PDSS2: variants seen among roughly 807,000 people sequenced by gnomAD.
PDSS2 encodes all trans-polyprenyl-diphosphate synthase PDSS2.
Under a neutral mutation model 44.5 loss-of-function variants are expected in PDSS2, and 31 were observed. The ratio of observed to expected loss-of-function variants is 0.70; its 90% CI spans 0.52 to 0.94. PDSS2 has a LOEUF of 0.94. PDSS2 is among the 40% of genes least tolerant of loss of function. PDSS2 has a pLI of 0.00. For missense variants in PDSS2, 452 were observed against 482.2 expected (o/e 0.94, Z 0.59); for synonymous variants, 157 against 180.3 (o/e 0.87, Z 1.03).
chr6:107,231,197 A>G (rs1774038319), intron 4 of PDSS2, among the ~76,000 whole-genome samples: 2 of 152,210 alleles, frequency 1.3e-5, no homozygotes, highest in African/African-American at 2.4e-5. Context: ...ATTATTATCA[A>G]TTACTTTTTA....
intron 1 of PDSS2, among the ~76,000 whole-genome samples, chr6:107,366,855 A>G (rs1778973573): frequency 6.6e-6 from 1 of 152,038 alleles, no homozygotes; most frequent in Non-Finnish European, 1.5e-5. Flanking sequence ...TGAATTATTA[A>G]TTAAAGTCCT....
At chr6:107,240,349 T>C (rs1487696043) in intron 4 of PDSS2, among the ~76,000 whole-genome samples, 8 of 151,388 alleles carry the variant, frequency 5.3e-5, no homozygotes, top group Non-Finnish European at 1.2e-4. Flanking sequence ...TTCAGTGAGC[T>C]AGGATGACAC....
chr6:107,259,823 T>C (rs369392663), intron 3 of PDSS2, among the ~76,000 whole-genome samples: 2 of 152,366 alleles, frequency 1.3e-5, no homozygotes, highest in South Asian at 2.1e-4. Context: ...ATAAGTGCTA[T>C]GTAGCTCAAC....
Position 107,196,033 on chromosome 6 carries a change from T to C in PDSS2, c.1009-2179A>G, listed in dbSNP as rs190711155. 4.6e-5 allele frequency among the ~76,000 whole-genome samples: 7 copies of C among 152,332 alleles called. No individual in the cohort carries two copies. In the East Asian group the frequency reaches 1.3e-3, roughly 29 times the overall value. On this transcript the variant is annotated intron_variant, in intron 6 of 7. Transcript: ENST00000369037. The stretch of plus-strand genomic sequence containing the variant: ...GGTCTTCAGTCTGCTTTTTGAAGTT[T>C]TTTAGTGTTCTAGGATTTTCAGAGA...
At chr6:107,208,687 C>A (rs1334090858) in intron 6 of PDSS2, among the ~76,000 whole-genome samples, 2 of 148,536 alleles carry the variant, frequency 1.3e-5, no homozygotes, top group East Asian at 4.0e-4. Flanking sequence ...TCGCTCACTG[C>A]AGCCTCTGCC....
At position 107,191,060 on chromosome 6, in the gene PDSS2, T is replaced by A. The variant is rs551523675; in HGVS notation, c.1041+2762A>T. Among the ~76,000 whole-genome samples, 9 of 152,154 alleles carry A rather than the reference T, an allele frequency of 5.9e-5. No homozygotes were observed. In the East Asian group the frequency reaches 1.7e-3, roughly 30 times the overall value. ...GCGCCCGCCACCATGCCCAGCTAAT[T>A]TTTTGTATTTTTAGTCGAGACGGGG... On this transcript the variant is annotated intron_variant, in intron 7 of 7. Transcript: ENST00000369037.
chr6:107,171,635 C>T (rs533823992), intron 7 of PDSS2, among the ~76,000 whole-genome samples: 19 of 152,006 alleles, frequency 1.2e-4, no homozygotes, highest in East Asian at 1.2e-3. Context: ...CTTAGCCTTC[C>T]GAGTAGCTAG....
intron 1 of PDSS2, among the ~76,000 whole-genome samples, chr6:107,335,088 G>T (rs1777842505): frequency 6.6e-6 from 1 of 151,514 alleles, no homozygotes; most frequent in African/African-American, 2.4e-5. Context: ...GGGTTGGGGG[G>T]GTGCTGAGGC....
At chr6:107,210,394 C>T (rs774181498) in intron 6 of PDSS2, 45 bp downstream of exon 6, 2 of 1,418,310 alleles carry the variant, frequency 1.4e-6, no homozygotes, top group Non-Finnish European at 2.0e-6. Context: ...TTCTAAAATC[C>T]ACTAATTACT....
intron 1 of PDSS2, among the ~76,000 whole-genome samples, chr6:107,437,946 A>C (rs916578718): frequency 1.3e-5 from 2 of 152,332 alleles, no homozygotes; most frequent in Non-Finnish European, 2.9e-5. Flanking sequence ...TCTAGGGCTA[A>C]GGATTTCTGT....
chr6:107,363,616 T>C (rs748179979), intron 1 of PDSS2, among the ~76,000 whole-genome samples: 7 of 152,166 alleles, frequency 4.6e-5, no homozygotes, highest in Non-Finnish European at 8.8e-5. Context: ...GCAAGAGTTA[T>C]TGCAAAGAGC....
At chr6:107,248,441 GA>G (rs1160686023) in intron 3 of PDSS2, among the ~76,000 whole-genome samples, 1,038 of 56,440 alleles carry the variant, frequency 0.018, 11 homozygotes, top group African/African-American at 0.057. Flanking sequence ...ACTAGGGGAA[GA>G]AAAAAAAAAA....
intron 4 of PDSS2, among the ~76,000 whole-genome samples, chr6:107,235,444 C>G (rs192412369): frequency 2.8e-3 from 432 of 152,260 alleles, no homozygotes; most frequent in African/African-American, 0.01. Context: ...CAGTAAAGAA[C>G]TCAGAAAGGT....
At chr6:107,399,142 T>C (rs771553628) in intron 1 of PDSS2, among the ~76,000 whole-genome samples, 2 of 152,190 alleles carry the variant, frequency 1.3e-5, no homozygotes, top group Non-Finnish European at 2.9e-5. Flanking sequence ...ATAAGGTAGA[T>C]AATATTACTA....
At chr6:107,272,118 C>A (rs1375258645) in intron 3 of PDSS2, among the ~76,000 whole-genome samples, 1 of 149,242 alleles carries the variant, frequency 6.7e-6, no homozygotes, top group African/African-American at 2.5e-5. Flanking sequence ...ATAATGAGAA[C>A]TCTCTCCACT....
intron 1 of PDSS2, among the ~76,000 whole-genome samples, chr6:107,373,255 G>T (rs944014357): frequency 6.6e-6 from 1 of 152,102 alleles, no homozygotes; most frequent in Non-Finnish European, 1.5e-5. Flanking sequence ...AAAGTGCTGA[G>T]ATTACAAGCG....
chr6:107,342,457 G>C (rs1232654493), intron 1 of PDSS2, among the ~76,000 whole-genome samples: 1 of 152,162 alleles, frequency 6.6e-6, no homozygotes, highest in Non-Finnish European at 1.5e-5. Context: ...AACATGCTGA[G>C]ATTTGTTATT....
intron 2 of PDSS2, among the ~76,000 whole-genome samples, chr6:107,283,701 C>T (rs1213484032): frequency 6.6e-6 from 1 of 151,884 alleles, no homozygotes; most frequent in East Asian, 1.9e-4. Flanking sequence ...GCCTGGGCAA[C>T]AAGAGTGAAA....
intron 4 of PDSS2, among the ~76,000 whole-genome samples, chr6:107,242,440 A>G (rs998023202): frequency 2.6e-5 from 4 of 151,812 alleles, no homozygotes; most frequent in African/African-American, 9.7e-5. Context: ...ATTTTTTTAT[A>G]TTTTTAGTAG....
Sources: gnomAD v4.1 joint callset for allele counts (sites outside exome capture counted in the v4.1 genomes callset) on GRCh38, gnomAD v4.1.1 for gene constraint, MANE v1.5 for transcripts, NCBI Gene and HGNC (gene_info 2026-07-23, HGNC 2026-07-21) for gene names.